The following TAF12 variants were observed in gnomAD, a reference collection of about 807,000 sequenced individuals.
TAF12 encodes transcription initiation factor TFIID subunit 12.
TAF12 carries 3 observed loss-of-function variants against 20.8 expected under a neutral mutation model. That is an observed-to-expected ratio of 0.14 (90% confidence interval 0.07 to 0.37). The LOEUF is 0.37. TAF12 is among the 10% of genes least tolerant of loss of function. TAF12 has a pLI of 1.00. For missense variants in TAF12, 131 were observed against 197.9 expected, an observed-to-expected ratio of 0.66 and a Z score of 2.03; for synonymous variants, 69 against 70.2, an observed-to-expected ratio of 0.98 and a Z score of 0.09.
intron 3 of TAF12, 89 bp downstream of exon 3, chr1:28,617,864 G>A: frequency 8.0e-7 from 1 of 1,251,342 alleles, no homozygotes; most frequent in Non-Finnish European, 1.2e-6. Context: ...AAAGGCATGA[G>A]CCACTGCATC....
At chr1:28,647,289 T>C (rs1668218767), upstream of TAF12, among the ~76,000 whole-genome samples, 2 of 151,576 alleles carry the variant, frequency 1.3e-5, no homozygotes, top group African/African-American at 2.4e-5. Context: ...CACATATTGT[T>C]TTTTTTTTAT....
At chr1:28,613,079 A>T (rs867016940) in intron 4 of TAF12, among the ~76,000 whole-genome samples, 168 bp downstream of exon 4, 5 of 152,212 alleles carry the variant, frequency 3.3e-5, no homozygotes, top group Non-Finnish European at 7.3e-5. Context: ...CATTCTCCCT[A>T]CCACAGATGG....
At chr1:28,612,043 A>C (rs986797511) in intron 4 of TAF12, among the ~76,000 whole-genome samples, 2 of 152,176 alleles carry the variant, frequency 1.3e-5, no homozygotes, top group African/African-American at 4.8e-5. Context: ...TACTTTACCT[A>C]GACTACCAAT....
Position 28,642,989 on chromosome 1 carries a change from C to T in TAF12, c.-85+3G>A, listed in dbSNP as rs1458401693. ...TCCTCAACTGCCAGGGCCCAAGACTCACAGGCAGCAGCGTCTATCTCCCCA... is the reference window on the plus strand; with the variant it reads ...TCCTCAACTGCCAGGGCCCAAGACTTACAGGCAGCAGCGTCTATCTCCCCA... On this transcript the variant is annotated splice_donor_region_variant and intron_variant, in intron 1 of 5. Transcript: ENST00000373824. 1 of 985,978 alleles carries T rather than the reference C, an allele frequency of 1.0e-6. No individual in the cohort carries two copies. The highest frequency in any genetic ancestry group is 1.7e-5 in the African/African-American group (1 of 57,266). 61.1% of individuals were successfully genotyped at this position (985,978 alleles called of 1,614,324 possible). A position where few individuals can be genotyped will look rare whatever the true frequency, so the allele number is the denominator to read the frequency against.
chr1:28,628,865 G>A (rs1200814237), intron 1 of TAF12, among the ~76,000 whole-genome samples: 2 of 152,224 alleles, frequency 1.3e-5, no homozygotes, highest in Non-Finnish European at 2.9e-5. Flanking sequence ...CTGAGGTTGG[G>A]AGTTCGAGAC....
Position 28,622,170 on chromosome 1 carries a change from A to T in TAF12, c.-84-5T>A. The T allele has an allele frequency of 6.6e-7, 1 of 1,506,688 alleles. No individual in the cohort carries two copies. The highest frequency in any genetic ancestry group is 8.8e-7 in the Non-Finnish European group (1 of 1,133,988). 93.3% of individuals were successfully genotyped at this position (1,506,688 alleles called of 1,614,324 possible). On this transcript the variant is annotated splice_region_variant and splice_polypyrimidine_tract_variant and intron_variant, in intron 1 of 5. Coordinates refer to ENST00000373824, the MANE Select transcript of TAF12 (RefSeq NM_005644.4). ...GTGAGGACCAAGGCCAATTAACTGG[A>T]GAAGAAAAGCACAAGAATTAGCTCT... is the stretch of plus-strand genomic sequence containing the variant.
chr1:28,612,812 A>G (rs1342110409), intron 4 of TAF12, among the ~76,000 whole-genome samples: 1 of 152,128 alleles, frequency 6.6e-6, no homozygotes, highest in East Asian at 1.9e-4. Context: ...TAAAACTCTA[A>G]GGGAACACTG....
At chr1:28,629,110 A>G (rs941370715) in intron 1 of TAF12, among the ~76,000 whole-genome samples, 1 of 152,158 alleles carries the variant, frequency 6.6e-6, no homozygotes, top group Non-Finnish European at 1.5e-5. Flanking sequence ...ACAGACATAC[A>G]GTTGTAAATT....
In TAF12 at chr1:28,626,317, C is replaced by T. The variant is rs892886326; in HGVS notation, c.-84-4152G>A. 5.3e-5 allele frequency among the ~76,000 whole-genome samples: 8 copies of T among 151,992 alleles called. No individual in the cohort carries two copies. In the Middle Eastern group the frequency reaches 0.01, roughly 194 times the overall value. On this transcript the variant is annotated intron_variant, in intron 1 of 5. Transcript: ENST00000373824. ...TTTTAGGGCTGGGCACAGTGGCTCA[C>T]GCCTGTAATCCCAGCACTTTAGGAG...
intron 3 of TAF12, among the ~76,000 whole-genome samples, 154 bp from the exon 4 acceptor site, chr1:28,613,515 A>C (rs1666932277): frequency 6.6e-6 from 1 of 152,226 alleles, no homozygotes; most frequent in Admixed American, 6.5e-5. Flanking sequence ...AAGAGGAATG[A>C]GAAGGACAAA....
chr1:28,613,979 C>G (rs1022922336), intron 3 of TAF12, among the ~76,000 whole-genome samples: 1 of 152,206 alleles, frequency 6.6e-6, no homozygotes, highest in Non-Finnish European at 1.5e-5. Context: ...GTGGCTCACG[C>G]CTGTAACCCC....
intron 1 of TAF12, among the ~76,000 whole-genome samples, chr1:28,626,017 G>C (rs576958713): frequency 6.6e-6 from 1 of 151,078 alleles, no homozygotes; most frequent in African/African-American, 2.4e-5. Flanking sequence ...GTCTCACTGT[G>C]TCCCCCAGGC....
intron 4 of TAF12, among the ~76,000 whole-genome samples, chr1:28,606,329 G>A (rs1666663747): frequency 6.6e-6 from 1 of 151,676 alleles, no homozygotes; most frequent in African/African-American, 2.4e-5. Flanking sequence ...AGTAGAAACG[G>A]GGTTTCACCA....
intron 2 of TAF12, among the ~76,000 whole-genome samples, chr1:28,621,661 A>C (rs1380758163): frequency 6.6e-6 from 1 of 152,190 alleles, no homozygotes; most frequent in Non-Finnish European, 1.5e-5. Flanking sequence ...TTGCTAAAGA[A>C]TGTTCCCAGA....
upstream of TAF12, among the ~76,000 whole-genome samples, chr1:28,645,309 A>G (rs1167066931): frequency 1.3e-5 from 2 of 149,862 alleles, no homozygotes; most frequent in Non-Finnish European, 3.0e-5. Flanking sequence ...TGCTGGGATT[A>G]CAGGCAGGAG....
chr1:28,618,905 A>C (rs978013546), intron 2 of TAF12, among the ~76,000 whole-genome samples: 3 of 152,204 alleles, frequency 2.0e-5, no homozygotes, highest in Non-Finnish European at 2.9e-5. Flanking sequence ...AAAGAAAGCC[A>C]GGCACAGTGA....
At chr1:28,617,850 C>T in intron 3 of TAF12, 103 bp downstream of exon 3, 1 of 1,143,202 alleles carries the variant, frequency 8.7e-7, no homozygotes, top group Non-Finnish European at 1.3e-6. Context: ...GCTTTGGTCT[C>T]TCAAAAGGCA....
rs1410792487 is a variant in TAF12 at position 28,626,684 on chromosome 1, A to T, written c.-84-4519T>A. The stretch of plus-strand genomic sequence containing the variant: ...AGTACTTTGGGAGACCGAGGCAGGC[A>T]GAACACCTGAGATCAGGAGTTCGAG... On this transcript the variant is annotated intron_variant, in intron 1 of 5. Transcript: ENST00000373824. Among the ~76,000 whole-genome samples the T allele has an allele frequency of 2.0e-5, 3 of 151,334 alleles. No homozygotes were observed. The South Asian group carries it at 6.3e-4, about 32-fold the overall frequency.
At chr1:28,622,202 AC>A in intron 1 of TAF12, 37 bp from the exon 2 acceptor site, 1 of 1,450,228 alleles carries the variant, frequency 6.9e-7, no homozygotes, top group Non-Finnish European at 9.1e-7. Context: ...CTCTAGAAGA[AC>A]CTGTAATAAA....
Sources: gnomAD v4.1 joint callset for allele counts (sites outside exome capture counted in the v4.1 genomes callset) on GRCh38, gnomAD v4.1.1 for gene constraint, MANE v1.5 for transcripts, NCBI Gene and HGNC (gene_info 2026-07-23, HGNC 2026-07-21) for gene names.